The following ARHGAP24 variants were observed in gnomAD, a reference collection of about 807,000 sequenced individuals.
The protein encoded by ARHGAP24 is Rho GTPase activating protein 24.
Under a neutral mutation model 76.4 loss-of-function variants are expected in ARHGAP24, and 50 were observed. That is an observed-to-expected ratio of 0.65 (90% CI 0.52 to 0.83). ARHGAP24 has a LOEUF of 0.83. ARHGAP24 is among the 40% of genes least tolerant of loss of function. The probability of loss-of-function intolerance (pLI) is 0.00; values close to 1 mark genes in which losing one functional copy is unlikely to be tolerated. For synonymous variants in ARHGAP24, 345 were observed against 323.3 expected (o/e 1.07, Z -0.72); for missense variants, 930 against 914.2 (o/e 1.02, Z -0.22).
intron 2 of ARHGAP24, among the ~76,000 whole-genome samples, chr4:85,675,113 T>G (rs1220405623): frequency 6.6e-6 from 1 of 152,180 alleles, no homozygotes; most frequent in Non-Finnish European, 1.5e-5. Context: ...AAGTAAAGAC[T>G]GGTAAGCATT....
chr4:85,604,506 A>G (rs1198249668), intron 2 of ARHGAP24, among the ~76,000 whole-genome samples: 1 of 152,264 alleles, frequency 6.6e-6, no homozygotes, highest in Non-Finnish European at 1.5e-5. Context: ...AGCCATTAAA[A>G]TGTTCTTCTA....
intron 3 of ARHGAP24, among the ~76,000 whole-genome samples, chr4:85,843,675 C>G (rs112014404): frequency 0.02 from 2,995 of 151,706 alleles, 106 homozygotes; most frequent in African/African-American, 0.069. Flanking sequence ...AATGTTTTAC[C>G]ATGGGAAAAA....
rs140413102 is a variant in ARHGAP24 at position 85,766,869 on chromosome 4, G to A, written c.268+44897G>A. Reference sequence around the variant, plus strand: ...TTTAATATTTAGCAAATACAGTCATGCACTGCATAACAATGTTTTGGTCAA... The same window carrying A: ...TTTAATATTTAGCAAATACAGTCATACACTGCATAACAATGTTTTGGTCAA... On this transcript the variant is annotated intron_variant, in intron 3 of 9. Coordinates refer to ENST00000395184, the MANE Select transcript of ARHGAP24 (RefSeq NM_001025616.3). 1.9e-3 allele frequency among the ~76,000 whole-genome samples: 289 copies of A among 152,202 alleles called. 1 individual carries two copies. The highest frequency in any genetic ancestry group is 6.5e-3 in the African/African-American group (271 of 41,552).
At chr4:85,899,399 A>G (rs1734371160) in intron 3 of ARHGAP24, among the ~76,000 whole-genome samples, 1 of 152,214 alleles carries the variant, frequency 6.6e-6, no homozygotes, top group South Asian at 2.1e-4. Context: ...TTTAGATCCT[A>G]GTGTTGCTTT....
chr4:85,697,461 C>A (rs376030717), intron 2 of ARHGAP24, among the ~76,000 whole-genome samples: 1 of 151,974 alleles, frequency 6.6e-6, no homozygotes, highest in African/African-American at 2.4e-5. Context: ...CAAACCTGCA[C>A]GTTGTGCACA....
At chr4:85,602,600 CT>C (rs1720070900) in intron 2 of ARHGAP24, among the ~76,000 whole-genome samples, 1 of 152,012 alleles carries the variant, frequency 6.6e-6, no homozygotes. Flanking sequence ...ATATATTAGT[CT>C]ATATTCAAAT....
intron 3 of ARHGAP24, among the ~76,000 whole-genome samples, chr4:85,853,766 CA>C (rs1330550607): frequency 6.6e-6 from 1 of 152,056 alleles, no homozygotes; most frequent in Non-Finnish European, 1.5e-5. Flanking sequence ...CCATCCTGGC[CA>C]ACATGGTGAA....
At chr4:85,713,250 G>A (rs963602219) in intron 2 of ARHGAP24, among the ~76,000 whole-genome samples, 8 of 152,236 alleles carry the variant, frequency 5.3e-5, no homozygotes, top group South Asian at 2.1e-4. Flanking sequence ...AGGTTGCTGT[G>A]AGCTGTGATT....
chr4:85,829,403 A>T (rs1437230360), intron 3 of ARHGAP24, among the ~76,000 whole-genome samples: 1 of 152,204 alleles, frequency 6.6e-6, no homozygotes, highest in Non-Finnish European at 1.5e-5. Flanking sequence ...TGTAAACTAG[A>T]TCGTCACCTG....
intron 1 of ARHGAP24, among the ~76,000 whole-genome samples, chr4:85,500,107 T>C (rs972509201): frequency 6.6e-6 from 1 of 152,236 alleles, no homozygotes; most frequent in Non-Finnish European, 1.5e-5. Flanking sequence ...ACTAATATTT[T>C]GAAGTATGTT....
At chr4:85,750,497 T>G (rs1166957770) in intron 3 of ARHGAP24, among the ~76,000 whole-genome samples, 2 of 133,560 alleles carry the variant, frequency 1.5e-5, no homozygotes, top group Non-Finnish European at 3.2e-5. Flanking sequence ...TTTTTTTTTT[T>G]TTTTTTTTTT....
At chr4:85,908,615 G>A (rs1006527795) in intron 3 of ARHGAP24, among the ~76,000 whole-genome samples, 3 of 152,150 alleles carry the variant, frequency 2.0e-5, no homozygotes, top group African/African-American at 7.2e-5. Context: ...TCTCTCCAAA[G>A]GGATTACTTA....
Position 85,972,090 on chromosome 4 carries a change from T to C in ARHGAP24, c.654T>C (p.Leu218=), listed in dbSNP as rs757320212. 6.2e-7 allele frequency: 1 copy of C among 1,614,100 alleles called. No individual in the cohort carries two copies. Among genetic ancestry groups the C allele is most frequent in the South Asian group, 1.1e-5 (1 of 91,064 alleles). ...ASLLKLYLRE[L]PEPVIPYAKY... Reference sequence around the variant, plus strand: ...TTCTTAAGCTGTACCTCCGAGAACTTCCAGAACCAGTTATTCCTTATGCGA... The same window carrying C: ...TTCTTAAGCTGTACCTCCGAGAACTCCCAGAACCAGTTATTCCTTATGCGA... Residue 218 remains leucine (L), a synonymous_variant, in exon 6 of 10, where the codon CTT becomes CTC. Coordinates refer to ENST00000395184, the MANE Select transcript of ARHGAP24 (RefSeq NM_001025616.3).
At chr4:85,707,204 A>G (rs1724346510) in intron 2 of ARHGAP24, among the ~76,000 whole-genome samples, 1 of 152,176 alleles carries the variant, frequency 6.6e-6, no homozygotes, top group Non-Finnish European at 1.5e-5. Context: ...GTCATCAGCC[A>G]CCATACCCAG....
At chr4:85,863,753 G>A (rs1028810679) in intron 3 of ARHGAP24, among the ~76,000 whole-genome samples, 3 of 152,066 alleles carry the variant, frequency 2.0e-5, no homozygotes, top group African/African-American at 7.2e-5. Context: ...TTGTGAAGTG[G>A]TATAAACCCG....
At chr4:85,890,211 G>A (rs1184883538) in intron 3 of ARHGAP24, among the ~76,000 whole-genome samples, 1 of 152,102 alleles carries the variant, frequency 6.6e-6, no homozygotes, top group East Asian at 1.9e-4. Context: ...ATAGAATAAA[G>A]ATCGTTAACT....
intron 3 of ARHGAP24, among the ~76,000 whole-genome samples, chr4:85,738,385 A>ATTG (rs1725684901): frequency 9.4e-6 from 1 of 106,728 alleles, no homozygotes; most frequent in Non-Finnish European, 2.0e-5. Context: ...TATTATTATT[A>ATTG]TTATTATTAT....
At chr4:85,576,933 A>G (rs1190041614) in intron 2 of ARHGAP24, among the ~76,000 whole-genome samples, 1 of 152,042 alleles carries the variant, frequency 6.6e-6, no homozygotes, top group Non-Finnish European at 1.5e-5. Context: ...GCTTCAATTT[A>G]CTAATCTGTA....
At position 85,834,907 on chromosome 4, in the gene ARHGAP24, A is replaced by G. The variant is rs79640072; in HGVS notation, c.269-88741A>G. Among the ~76,000 whole-genome samples, 1,300 of 152,288 alleles carry G rather than the reference A, an allele frequency of 8.5e-3. 23 individuals are homozygous for G. Among genetic ancestry groups the G allele is most frequent in the African/African-American group, 0.029 (1,220 of 41,554 alleles). ...AAATATCTCCAAGGGAGTGGTTCCCAAGTAAAGAATACTGAGAGTATAAAA... is the reference window on the plus strand; with the variant it reads ...AAATATCTCCAAGGGAGTGGTTCCCGAGTAAAGAATACTGAGAGTATAAAA... On this transcript the variant is annotated intron_variant, in intron 3 of 9. Transcript: ENST00000395184.
Sources: gnomAD v4.1 joint callset for allele counts (sites outside exome capture counted in the v4.1 genomes callset) on GRCh38, gnomAD v4.1.1 for gene constraint, MANE v1.5 for transcripts, NCBI Gene and HGNC (gene_info 2026-07-23, HGNC 2026-07-21) for gene names.